NLGN1: variants seen among roughly 807,000 people sequenced by gnomAD.
NLGN1 encodes the protein neuroligin 1.
Under a neutral mutation model 65.5 loss-of-function variants are expected in NLGN1, and 12 were observed. The observed-to-expected ratio is 0.18, with a 90% CI of 0.12 to 0.30. NLGN1 has a LOEUF of 0.30. Ranked by LOEUF, NLGN1 falls within the 10% of genes least tolerant of loss-of-function variation. The probability of loss-of-function intolerance (pLI) is 1.00; values close to 1 mark genes in which losing one functional copy is unlikely to be tolerated. For missense variants in NLGN1, 750 were observed against 1,007.1 expected (o/e 0.74, Z 3.46); for synonymous variants, 350 against 359.5 (o/e 0.97, Z 0.30).
At chr3:174,215,463 A>C (rs1365474502) in intron 4 of NLGN1, among the ~76,000 whole-genome samples, 3 of 152,188 alleles carry the variant, frequency 2.0e-5, no homozygotes, top group African/African-American at 7.2e-5. Context: ...TGAGACACTG[A>C]ATGCTTCCCT....
At chr3:173,820,021 T>C (rs1235628652) in intron 4 of NLGN1, among the ~76,000 whole-genome samples, 1 of 152,008 alleles carries the variant, frequency 6.6e-6, no homozygotes, top group African/African-American at 2.4e-5. Context: ...ACCCCGTCTC[T>C]ACTGAAAAAT....
chr3:173,415,573 A>G (rs1303376404), intron 1 of NLGN1, among the ~76,000 whole-genome samples: 1 of 147,150 alleles, frequency 6.8e-6, no homozygotes, highest in Non-Finnish European at 1.5e-5. Context: ...CCTGGCTTTC[A>G]GTGTTTTTCC....
In NLGN1 at chr3:173,795,425, T is replaced by G. The variant is rs550235718; in HGVS notation, c.494-12255T>G. On this transcript the variant is annotated intron_variant, in intron 3 of 6. Coordinates refer to ENST00000457714, the Ensembl canonical transcript of NLGN1. ...TATCTGGTCATATAATCAATAGTTTTAAAAGTGTGATAACTTTTTGTTGAA... is the reference window on the plus strand; with the variant it reads ...TATCTGGTCATATAATCAATAGTTTGAAAAGTGTGATAACTTTTTGTTGAA... Among the ~76,000 whole-genome samples the G allele has an allele frequency of 4.6e-5, 7 of 152,290 alleles. No homozygotes were observed. In the South Asian group the frequency reaches 8.3e-4, roughly 18 times the overall value.
chr3:173,957,873 T>C (rs1432360338), intron 4 of NLGN1, among the ~76,000 whole-genome samples: 1 of 152,182 alleles, frequency 6.6e-6, no homozygotes. Flanking sequence ...CAGCTTGTGC[T>C]ACTGGCCTGG....
intron 2 of NLGN1, among the ~76,000 whole-genome samples, chr3:173,505,862 A>G (rs1345523676): frequency 6.6e-6 from 1 of 152,078 alleles, no homozygotes; most frequent in Non-Finnish European, 1.5e-5. Flanking sequence ...GGGATAAAGA[A>G]CTATATGTAT....
chr3:174,283,412 A>ATTGT (rs1304302296), exon 7 of NLGN1: 5 of 151,510 alleles, frequency 3.3e-5, no homozygotes, highest in Non-Finnish European at 7.4e-5. Context: ...TAAAGTGCCA[A>ATTGT]TTGTTTTCAG....
chr3:173,420,543 T>C (rs1714838270), intron 1 of NLGN1, among the ~76,000 whole-genome samples: 3 of 152,326 alleles, frequency 2.0e-5, no homozygotes, highest in Middle Eastern at 3.4e-3. Flanking sequence ...AACATACGTG[T>C]GCATGTGTCT....
intron 3 of NLGN1, among the ~76,000 whole-genome samples, chr3:173,610,072 A>G (rs1207780031): frequency 1.3e-5 from 2 of 151,862 alleles, no homozygotes; most frequent in East Asian, 3.9e-4. Context: ...GCATGGAGAA[A>G]TGGGGAGAGT....
At chr3:173,733,624 C>T (rs1773229019) in intron 3 of NLGN1, among the ~76,000 whole-genome samples, 1 of 152,094 alleles carries the variant, frequency 6.6e-6, no homozygotes, top group Non-Finnish European at 1.5e-5. Flanking sequence ...TTCCTAACTT[C>T]ACCTTGAAAT....
intron 4 of NLGN1, among the ~76,000 whole-genome samples, chr3:174,053,115 T>G (rs972906202): frequency 6.6e-6 from 1 of 151,990 alleles, no homozygotes; most frequent in Non-Finnish European, 1.5e-5. Flanking sequence ...GGGGATAGTG[T>G]TGTGTTGAAG....
chr3:174,269,526 T>A (rs886512352), intron 4 of NLGN1, among the ~76,000 whole-genome samples: 2 of 152,016 alleles, frequency 1.3e-5, no homozygotes, highest in Admixed American at 6.6e-5. Flanking sequence ...GCTTCTTTTT[T>A]AAAGCTACAC....
chr3:174,277,179 C>A (rs1750737822), intron 5 of NLGN1, among the ~76,000 whole-genome samples: 1 of 151,864 alleles, frequency 6.6e-6, no homozygotes, highest in Non-Finnish European at 1.5e-5. Flanking sequence ...CCAAACTAAG[C>A]TGCCTGATTT....
chr3:173,458,564 C>G (rs1722872780), intron 2 of NLGN1, among the ~76,000 whole-genome samples: 1 of 152,058 alleles, frequency 6.6e-6, no homozygotes, highest in South Asian at 2.1e-4. Context: ...CCCCAAACTC[C>G]AGATCCAGCT....
chr3:173,750,693 G>A (rs1247911990), intron 3 of NLGN1, among the ~76,000 whole-genome samples: 2 of 152,058 alleles, frequency 1.3e-5, no homozygotes, highest in African/African-American at 2.4e-5. Context: ...ATAGTGGTTA[G>A]TAGAGGTTTC....
intron 3 of NLGN1, among the ~76,000 whole-genome samples, chr3:173,678,407 T>C (rs537908961): frequency 3.3e-5 from 5 of 149,834 alleles, no homozygotes; most frequent in South Asian, 4.3e-4. Context: ...AAAGGGAGAG[T>C]TTAATTTTGC....
intron 4 of NLGN1, among the ~76,000 whole-genome samples, chr3:173,881,517 C>T (rs965747146): frequency 1.2e-4 from 17 of 147,034 alleles, no homozygotes; most frequent in Non-Finnish European, 2.2e-4. Flanking sequence ...CTCTACCTCC[C>T]GGGTTCACGC....
intron 3 of NLGN1, among the ~76,000 whole-genome samples, chr3:173,611,624 A>T (rs1431958248): frequency 2.0e-5 from 3 of 152,046 alleles, no homozygotes; most frequent in Non-Finnish European, 4.4e-5. Context: ...AGATGTGGTT[A>T]TGTCTTCTAA....
At chr3:174,070,775 C>T (rs1739667879) in intron 4 of NLGN1, among the ~76,000 whole-genome samples, 1 of 152,126 alleles carries the variant, frequency 6.6e-6, no homozygotes, top group Admixed American at 6.6e-5. Flanking sequence ...GTAATGGGCA[C>T]TGGGTGCAGT....
chr3:174,289,953 GTGTA>G (rs373637085), downstream of NLGN1, among the ~76,000 whole-genome samples: 23,766 of 89,764 alleles, frequency 0.26, 2,252 homozygotes, highest in Middle Eastern at 0.41. Flanking sequence ...GTATATATAT[GTGTA>G]TATATATATA....
Sources: gnomAD v4.1 joint callset for allele counts (sites outside exome capture counted in the v4.1 genomes callset) on GRCh38, gnomAD v4.1.1 for gene constraint, MANE v1.5 for transcripts, NCBI Gene and HGNC (gene_info 2026-07-23, HGNC 2026-07-21) for gene names.